The following FAM76A variants were observed in gnomAD, a reference collection of about 807,000 sequenced individuals.
The protein encoded by FAM76A is family with sequence similarity 76 member A.
A neutral mutation model predicts 46.2 loss-of-function variants in FAM76A; 32 were observed. The observed-to-expected ratio is 0.69, with a 90% CI of 0.52 to 0.93. The LOEUF (loss-of-function observed/expected upper bound fraction) is 0.93. Among genes scored for constraint, FAM76A ranks in the 40% least tolerant of loss-of-function variants. The pLI is 0.00. For synonymous variants in FAM76A, 137 were observed against 127.0 expected (o/e 1.08, Z -0.53); for missense variants, 274 against 361.5 (o/e 0.76, Z 1.96).
chr1:27,739,144 A>G, intron 4 of FAM76A: 1 of 365,708 alleles, frequency 2.7e-6, no homozygotes, highest in South Asian at 2.1e-5. Flanking sequence ...GTGGAACGCC[A>G]CAATGACAAG....
intron 4 of FAM76A, among the ~76,000 whole-genome samples, chr1:27,737,148 C>T (rs1344203186): frequency 2.0e-5 from 3 of 152,000 alleles, no homozygotes; most frequent in Non-Finnish European, 4.4e-5. Flanking sequence ...AGGGTTTCTC[C>T]ATGTTAGTCA....
At chr1:27,759,214 C>T (rs1215403184) in intron 7 of FAM76A, among the ~76,000 whole-genome samples, 1 of 152,148 alleles carries the variant, frequency 6.6e-6, no homozygotes, top group East Asian at 1.9e-4. Context: ...CTACTACTCT[C>T]ACAATGTTAT....
intron 4 of FAM76A, among the ~76,000 whole-genome samples, chr1:27,736,392 T>C (rs544560906): frequency 3.3e-5 from 5 of 152,258 alleles, no homozygotes; most frequent in African/African-American, 7.2e-5. Flanking sequence ...CTGTCACTTA[T>C]TAACTGTGTG....
intron 4 of FAM76A, among the ~76,000 whole-genome samples, chr1:27,735,833 C>T (rs1405551690): frequency 6.6e-6 from 1 of 152,160 alleles, no homozygotes; most frequent in Non-Finnish European, 1.5e-5. Context: ...AATATTGAAC[C>T]TGGCACATAA....
chr1:27,731,810 A>G (rs983253391), intron 2 of FAM76A, among the ~76,000 whole-genome samples: 1 of 151,976 alleles, frequency 6.6e-6, no homozygotes, highest in Non-Finnish European at 1.5e-5. Flanking sequence ...CTCACTCTCC[A>G]TTTTAGCCAA....
chr1:27,739,301 A>G (rs931659521), intron 4 of FAM76A: 2 of 526,414 alleles, frequency 3.8e-6, no homozygotes, highest in Admixed American at 4.0e-5. Context: ...CTTATTGGAA[A>G]GATCCAAATA....
chr1:27,758,811 C>G (rs2088458939), intron 7 of FAM76A, among the ~76,000 whole-genome samples: 2 of 151,896 alleles, frequency 1.3e-5, no homozygotes, highest in Non-Finnish European at 2.9e-5. Context: ...AGCCACCACT[C>G]CTGGCCCAGA....
At chr1:27,749,213 CAG>C (rs2088295019) in intron 6 of FAM76A, 59 bp downstream of exon 6, 3 of 1,185,222 alleles carry the variant, frequency 2.5e-6, no homozygotes, top group Non-Finnish European at 3.6e-6. Context: ...GTTCCTGAAA[CAG>C]GAATACATTT....
chr1:27,753,280 C>T (rs537105368), intron 6 of FAM76A, among the ~76,000 whole-genome samples: 2 of 152,282 alleles, frequency 1.3e-5, no homozygotes, highest in South Asian at 4.1e-4. Context: ...GGGGAATCCT[C>T]TCACAAGAAG....
rs2088133443 is a variant in FAM76A, at chr1:27,740,534, A to T, written c.355-4120A>T. ...AGGAGCTAACATGATTATGTCTGGA[A>T]GCGTTGTTATGAGGAGTGAGGACCC... On this transcript the variant is annotated intron_variant, in intron 4 of 8. Transcript: ENST00000373954. 3 of 1,342,568 alleles carry T rather than the reference A, an allele frequency of 2.2e-6. No individual in the cohort carries two copies. In the South Asian group the frequency reaches 3.5e-5, roughly 16 times the overall value. 83.2% of individuals were successfully genotyped at this position (1,342,568 alleles called of 1,614,324 possible).
At chr1:27,759,383 G>A (rs2088465897) in intron 7 of FAM76A, 143 bp from the exon 8 acceptor site, 13 of 536,858 alleles carry the variant, frequency 2.4e-5, no homozygotes, top group Admixed American at 7.3e-5. Flanking sequence ...AAGAGGGTGT[G>A]GAATTCCCTG....
rs1293494873 is a variant in FAM76A at position 27,760,804 on chromosome 1, C to G, written c.*223C>G. The G allele has an allele frequency of 1.2e-5, 3 of 252,514 alleles. No homozygotes were observed. Among genetic ancestry groups the G allele is most frequent in the East Asian group, 7.8e-5 (1 of 12,884 alleles). 15.6% of individuals were successfully genotyped at this position (252,514 alleles called of 1,614,324 possible). A position where few individuals can be genotyped will look rare whatever the true frequency, so the allele number is the denominator to read the frequency against. On this transcript the variant is annotated 3_prime_UTR_variant, in exon 9 of 9. Coordinates refer to ENST00000373954, the MANE Select transcript of FAM76A (RefSeq NM_152660.3). ...GGGATTTCAAGCTCGCTCTCTTTCTCTCACTATTAGGACTTTTCTTTTTCT... is the reference window on the plus strand; with the variant it reads ...GGGATTTCAAGCTCGCTCTCTTTCTGTCACTATTAGGACTTTTCTTTTTCT...
chr1:27,730,189 T>TG (rs1380421773), intron 2 of FAM76A: 4 of 221,184 alleles, frequency 1.8e-5, no homozygotes, highest in Non-Finnish European at 2.7e-5. Context: ...TTCTTTTTTT[T>TG]TTGTTGTTGT....
Position 27,734,269 on chromosome 1 carries a change from C to A in FAM76A, c.354+86C>A. The A allele has an allele frequency of 9.3e-6, 13 of 1,398,776 alleles. No homozygotes were observed. In the South Asian group the frequency reaches 1.0e-4, roughly 11 times the overall value. 86.6% of individuals were successfully genotyped at this position (1,398,776 alleles called of 1,614,324 possible). On this transcript the variant is annotated intron_variant, in intron 4 of 8. Coordinates refer to ENST00000373954, the MANE Select transcript of FAM76A (RefSeq NM_152660.3). ...TGTGTTAAAAACACATTTAATAGGC[C>A]GGGCGTGGTGGCTCATGCCTGTAAT...
At position 27,744,680 on chromosome 1, in the gene FAM76A, G is replaced by T. The variant is rs184211917; in HGVS notation, c.381G>T (p.Leu127=). ...KKVDGKLLCW[L]CTLSYKRVLQ... Reference sequence around the variant, plus strand: ...TAGATGGGAAATTGCTGTGCTGGCTGTGCACACTTTCATACAAACGGGTCC... The same window carrying T: ...TAGATGGGAAATTGCTGTGCTGGCTTTGCACACTTTCATACAAACGGGTCC... Residue 127 remains leucine, a synonymous_variant, in exon 5 of 9, where the codon CTG becomes CTT. Coordinates refer to ENST00000373954, the MANE Select transcript of FAM76A (RefSeq NM_152660.3). The T allele has an allele frequency of 1.2e-6, 2 of 1,614,128 alleles. No homozygotes were observed. Among genetic ancestry groups the T allele is most frequent in the Non-Finnish European group, 8.5e-7 (1 of 1,180,004 alleles).
chr1:27,755,045 C>T (rs1423176735), intron 6 of FAM76A, 150 bp from the exon 7 acceptor site: 6 of 809,386 alleles, frequency 7.4e-6, no homozygotes, highest in Non-Finnish European at 1.2e-5. Context: ...CAGCAAGTGC[C>T]GTTGAGCCCA....
chr1:27,743,388 A>G (rs1399957841), intron 4 of FAM76A, among the ~76,000 whole-genome samples: 1 of 152,202 alleles, frequency 6.6e-6, no homozygotes, highest in East Asian at 1.9e-4. Context: ...TCTTGGGCTC[A>G]CGCAGTCCAC....
chr1:27,730,333 T>G (rs2087935649), intron 2 of FAM76A: 1 of 154,878 alleles, frequency 6.5e-6, no homozygotes, highest in Non-Finnish European at 1.4e-5. Context: ...ATTACAGGCA[T>G]GTACCACCGC....
intron 6 of FAM76A, among the ~76,000 whole-genome samples, chr1:27,751,592 C>T (rs1352616120): frequency 2.0e-5 from 3 of 151,528 alleles, no homozygotes; most frequent in Non-Finnish European, 4.4e-5. Flanking sequence ...GCAGCCTCGA[C>T]CTCCTGGGCT....
Sources: gnomAD v4.1 joint callset for allele counts (sites outside exome capture counted in the v4.1 genomes callset) on GRCh38, gnomAD v4.1.1 for gene constraint, MANE v1.5 for transcripts, NCBI Gene and HGNC (gene_info 2026-07-23, HGNC 2026-07-21) for gene names.